Variants in DACH2 observed in about 807,000 individuals in gnomAD.
The protein encoded by DACH2 is dachshund homolog 2.
In DACH2, 17 loss-of-function variants were observed where a neutral mutation model predicts 35.8. That is an observed-to-expected ratio of 0.48 (90% CI 0.33 to 0.71). The LOEUF is 0.71. Ranked by LOEUF, DACH2 falls within the 30% of genes least tolerant of loss-of-function variation. The pLI, the probability that DACH2 is intolerant of heterozygous loss-of-function variation, is 0.02. For synonymous variants in DACH2, 195 were observed against 177.3 expected, an observed-to-expected ratio of 1.10 and a Z score of -0.79; for missense variants, 469 against 472.7, an observed-to-expected ratio of 0.99 and a Z score of 0.07.
intron 11 of DACH2, among the ~76,000 whole-genome samples, chrX:86,823,699 G>A (rs1602993649): frequency 8.9e-6 from 1 of 111,939 alleles, no homozygotes; most frequent in Admixed American, 9.5e-5. Context: ...GAGAAATAAA[G>A]AGAAAGAGTA....
At chrX:86,302,757 T>G (rs1221296659) in intron 1 of DACH2, among the ~76,000 whole-genome samples, 1 of 110,419 alleles carries the variant, frequency 9.1e-6, no homozygotes. Flanking sequence ...CTTACATTGT[T>G]TTTTCCTCAA....
chrX:86,479,515 T>C (rs1187986196), intron 2 of DACH2, among the ~76,000 whole-genome samples: 1 of 111,953 alleles, frequency 8.9e-6, no homozygotes, highest in African/African-American at 3.3e-5. Flanking sequence ...TGTTGATATC[T>C]TTCTCTTGGT....
intron 6 of DACH2, among the ~76,000 whole-genome samples, chrX:86,730,450 G>A (rs193017706): frequency 9.0e-6 from 1 of 111,519 alleles, no homozygotes; most frequent in East Asian, 2.8e-4. Flanking sequence ...TAATCTGTAA[G>A]CCATGTTAAC....
intron 7 of DACH2, among the ~76,000 whole-genome samples, chrX:86,766,106 G>A (rs1405071855): frequency 9.1e-6 from 1 of 110,203 alleles, no homozygotes; most frequent in Non-Finnish European, 1.9e-5. Context: ...TCTTCTCCAA[G>A]CCAAGATGTA....
At chrX:86,529,977 GCA>G (rs34621582) in intron 3 of DACH2, among the ~76,000 whole-genome samples, 20,201 of 83,963 alleles carry the variant, frequency 0.24, 1,842 homozygotes, top group African/African-American at 0.28. Context: ...ACACACACAC[GCA>G]CACACACACA....
intron 6 of DACH2, among the ~76,000 whole-genome samples, chrX:86,724,230 C>T (rs192080176): frequency 9.9e-5 from 11 of 111,049 alleles, no homozygotes; most frequent in South Asian, 3.7e-4. Context: ...GATGGAATTC[C>T]ATCATGTTGT....
At chrX:86,626,068 C>A (rs780595668) in intron 3 of DACH2, among the ~76,000 whole-genome samples, 1 of 112,059 alleles carries the variant, frequency 8.9e-6, no homozygotes, top group South Asian at 3.7e-4. Context: ...TCATCTGAGA[C>A]AAGGCAAGTC....
chrX:86,157,615 T>C (rs2030592582), intron 1 of DACH2, among the ~76,000 whole-genome samples: 1 of 111,211 alleles, frequency 9.0e-6, no homozygotes, highest in African/African-American at 3.3e-5. Context: ...ATTTTTCCAC[T>C]CATGTGTTTA....
intron 2 of DACH2, among the ~76,000 whole-genome samples, chrX:86,424,607 A>G (rs780884515): frequency 1.4e-4 from 16 of 111,489 alleles, no homozygotes; most frequent in Non-Finnish European, 2.8e-4. Flanking sequence ...TCCAAATATA[A>G]TATCACATCA....
chrX:86,695,809 G>A (rs747301674), intron 5 of DACH2, among the ~76,000 whole-genome samples: 27 of 110,672 alleles, frequency 2.4e-4, no homozygotes, highest in South Asian at 1.2e-3. Flanking sequence ...CACCACACCC[G>A]GCCACATGTT....
At chrX:86,823,821 G>A (rs181200551) in intron 11 of DACH2, among the ~76,000 whole-genome samples, 135 of 110,809 alleles carry the variant, frequency 1.2e-3, no homozygotes, top group South Asian at 2.4e-3. Flanking sequence ...ATTTCAAAAG[G>A]GGAGGGGGTG....
chrX:86,319,360 G>GT (rs758844948), intron 1 of DACH2, among the ~76,000 whole-genome samples: 10 of 110,827 alleles, frequency 9.0e-5, no homozygotes, highest in South Asian at 3.8e-4. Flanking sequence ...ATCTTTTACT[G>GT]TTTTTTTTAC....
chrX:86,719,630 G>A (rs757835601), intron 6 of DACH2, among the ~76,000 whole-genome samples: 40 of 111,687 alleles, frequency 3.6e-4, no homozygotes, highest in Admixed American at 2.1e-3. Context: ...TCACAGGGCA[G>A]CAGGAGAGAG....
intron 1 of DACH2, chrX:86,161,437 C>T (rs755697632): frequency 2.0e-6 from 1 of 508,439 alleles, no homozygotes; most frequent in Non-Finnish European, 3.0e-6. Flanking sequence ...CTTTAACACA[C>T]CTTCCTGTGT....
intron 6 of DACH2, among the ~76,000 whole-genome samples, chrX:86,719,037 G>A (rs1030100885): frequency 3.9e-4 from 44 of 111,923 alleles, no homozygotes; most frequent in African/African-American, 1.1e-3. Flanking sequence ...TATGGATTGC[G>A]TTAAATCTGT....
chrX:86,251,585 C>T (rs1240773310), intron 1 of DACH2, among the ~76,000 whole-genome samples: 4 of 111,512 alleles, frequency 3.6e-5, no homozygotes, highest in East Asian at 2.8e-4. Flanking sequence ...TGAGAACATA[C>T]GATGTTTGGT....
chrX:86,323,732 G>A (rs1234132383), intron 1 of DACH2, among the ~76,000 whole-genome samples: 1 of 111,133 alleles, frequency 9.0e-6, no homozygotes, highest in East Asian at 2.9e-4. Context: ...TTCCAGCCCT[G>A]CACAACGGCA....
At chrX:86,790,824 G>A (rs1182345305) in intron 7 of DACH2, among the ~76,000 whole-genome samples, 1 of 111,349 alleles carries the variant, frequency 9.0e-6, no homozygotes, top group Non-Finnish European at 1.9e-5. Flanking sequence ...TTACAGACAT[G>A]AGCCACCATG....
intron 3 of DACH2, among the ~76,000 whole-genome samples, chrX:86,543,437 A>G (rs2038913173): frequency 9.0e-6 from 1 of 111,251 alleles, no homozygotes; most frequent in Admixed American, 9.6e-5. Context: ...CTCACCTCCA[A>G]ACGACTGCAC....
Sources: gnomAD v4.1 joint callset for allele counts (sites outside exome capture counted in the v4.1 genomes callset) on GRCh38, gnomAD v4.1.1 for gene constraint, MANE v1.5 for transcripts, NCBI Gene and HGNC (gene_info 2026-07-23, HGNC 2026-07-21) for gene names.